RP1: variants seen among roughly 807,000 people sequenced by gnomAD.
The protein encoded by RP1 is oxygen-regulated protein 1.
RP1 carries 16 observed loss-of-function variants against 14.8 expected under a neutral mutation model. The ratio of observed to expected loss-of-function variants is 1.08; its 90% CI spans 0.73 to 1.65. The LOEUF is 1.65. Among genes scored for constraint, RP1 ranks in the 40% most tolerant of loss-of-function variants. RP1 has a pLI of 0.00. For synonymous variants in RP1, 876 were observed against 883.6 expected, an observed-to-expected ratio of 0.99 and a Z score of 0.15; for missense variants, 2,631 against 2,535.0, an observed-to-expected ratio of 1.04 and a Z score of -0.81.
intron 1 of RP1, among the ~76,000 whole-genome samples, chr8:54,583,319 T>G (rs1349562916): frequency 6.6e-6 from 1 of 152,236 alleles, no homozygotes; most frequent in Non-Finnish European, 1.5e-5. Flanking sequence ...TTTGTGTATG[T>G]TGAACCACCC....
At chr8:54,847,868 AGTGCGGGGCTCT>A in intron 25 of RP1, among the ~76,000 whole-genome samples, 1 of 152,374 alleles carries the variant, frequency 6.6e-6, no homozygotes, top group South Asian at 2.1e-4. Flanking sequence ...TCCCCGGAGC[AGTGCGGGGCTCT>A]GAGTAGAGAA....
At chr8:54,849,236 A>G (rs892218479) in intron 25 of RP1, among the ~76,000 whole-genome samples, 1 of 152,048 alleles carries the variant, frequency 6.6e-6, no homozygotes, top group Non-Finnish European at 1.5e-5. Context: ...AATTAAAAAA[A>G]AATACCAGAA....
At chr8:54,631,924 C>G (rs969652586), downstream of RP1, among the ~76,000 whole-genome samples, 1 of 151,990 alleles carries the variant, frequency 6.6e-6, no homozygotes, top group Non-Finnish European at 1.5e-5. Flanking sequence ...TCACCGCAAC[C>G]CCTGCCTCCT....
chr8:54,673,844 T>C, intron 7 of RP1: 1 of 1,534,398 alleles, frequency 6.5e-7, no homozygotes. Flanking sequence ...TTTTGATTCG[T>C]TATAGACTGA....
chr8:54,762,718 T>C lies in RP1; in HGVS notation c.3248+3642T>C, dbSNP rs538175986. Reference sequence around the variant, plus strand: ...ATTGAACAACTGAAATATATCCTTTTGCAGCTCCTGGAGGCCAGTGATCCA... The same window carrying C: ...ATTGAACAACTGAAATATATCCTTTCGCAGCTCCTGGAGGCCAGTGATCCA... On this transcript the variant is annotated intron_variant, in intron 22 of 22. Transcript: ENST00000636932. 3.3e-5 allele frequency among the ~76,000 whole-genome samples: 5 copies of C among 152,368 alleles called. No homozygotes were observed. In the East Asian group the frequency reaches 9.6e-4, roughly 29 times the overall value.
At chr8:54,836,764 A>G (rs999176547) in intron 24 of RP1, among the ~76,000 whole-genome samples, 3 of 152,156 alleles carry the variant, frequency 2.0e-5, no homozygotes, top group Non-Finnish European at 4.4e-5. Context: ...GACTCATGGA[A>G]TTGGAAGACA....
chr8:54,807,893 C>T (rs1252600415), intron 24 of RP1, among the ~76,000 whole-genome samples: 1 of 151,746 alleles, frequency 6.6e-6, no homozygotes, highest in African/African-American at 2.4e-5. Context: ...CTATTGAGGC[C>T]TTTAACAGAT....
At chr8:54,739,022 T>C in exon 19 of RP1, 1 of 1,530,346 alleles carries the variant, frequency 6.5e-7, no homozygotes. Flanking sequence ...GAGTGGAACT[T>C]GCAGAGGGTA....
At chr8:54,784,289 C>T (rs1219782362) in intron 24 of RP1, among the ~76,000 whole-genome samples, 1 of 152,020 alleles carries the variant, frequency 6.6e-6, no homozygotes, top group Non-Finnish European at 1.5e-5. Flanking sequence ...TTAATTAATC[C>T]TCAATGTAGT....
At chr8:54,823,518 CG>C (rs1563387345) in intron 24 of RP1, among the ~76,000 whole-genome samples, 1 of 151,968 alleles carries the variant, frequency 6.6e-6, no homozygotes, top group African/African-American at 2.4e-5. Flanking sequence ...TTAGTAGAGA[CG>C]GGGTTTCACC....
At chr8:54,703,786 C>G (rs1294510373) in intron 14 of RP1, among the ~76,000 whole-genome samples, 1 of 152,206 alleles carries the variant, frequency 6.6e-6, no homozygotes, top group Non-Finnish European at 1.5e-5. Flanking sequence ...TTCTGGGTAA[C>G]TTGCTACAGC....
chr8:54,633,710 C>CCTCTCTCTCTCT (rs3077384), downstream of RP1, among the ~76,000 whole-genome samples: 144 of 118,492 alleles, frequency 1.2e-3, 1 homozygote, highest in Middle Eastern at 4.7e-3. Flanking sequence ...TTATTTTGTG[C>CCTCTCTCTCTCT]CTCTCTCTCT....
intron 2 of RP1, among the ~76,000 whole-genome samples, chr8:54,621,821 T>C (rs967175658): frequency 1.3e-5 from 2 of 152,140 alleles, no homozygotes; most frequent in Admixed American, 6.5e-5. Context: ...TTACATAATG[T>C]TTTCACATGG....
At chr8:54,752,102 T>A (rs1809386413) in intron 19 of RP1, among the ~76,000 whole-genome samples, 2 of 152,210 alleles carry the variant, frequency 1.3e-5, no homozygotes, top group Admixed American at 6.5e-5. Flanking sequence ...TCTTGGAAAC[T>A]GTGACTTCAA....
In RP1 at chr8:54,737,030, C is replaced by T. The variant is rs115140229; in HGVS notation, c.2722-1913C>T. ...CATCATTTGCCACTTATAAGTTTGTCTTTCATTCTCTTTTCCTTCTTTCCA... is the reference window on the plus strand; with the variant it reads ...CATCATTTGCCACTTATAAGTTTGTTTTTCATTCTCTTTTCCTTCTTTCCA... On this transcript the variant is annotated intron_variant, in intron 18 of 22. Coordinates refer to the RP1 transcript ENST00000636932. Among the ~76,000 whole-genome samples, 683 of 152,246 alleles carry T rather than the reference C, an allele frequency of 4.5e-3. 5 individuals carry two copies. Among genetic ancestry groups the T allele is most frequent in the African/African-American group, 0.015 (644 of 41,560 alleles).
intron 1 of RP1, among the ~76,000 whole-genome samples, chr8:54,598,141 T>C (rs1240635032): frequency 6.6e-6 from 1 of 152,212 alleles, no homozygotes; most frequent in East Asian, 1.9e-4. Context: ...TAATTTAACG[T>C]AATTATTGAT....
chr8:54,788,208 G>A (rs1304819513), intron 24 of RP1, among the ~76,000 whole-genome samples: 1 of 152,124 alleles, frequency 6.6e-6, no homozygotes, highest in Admixed American at 6.6e-5. Context: ...ATGTCTGCAG[G>A]CTGGAGTAGG....
Position 54,625,954 on chromosome 8 carries a change from C to A in RP1, c.2072C>A (p.Ala691Glu). The change falls in exon 4 of 4, where the codon GCA becomes GAA. Residue 691 changes from alanine (A) to glutamate (E), a missense_variant. Physicochemically the swap from Ala to Glu is moderately radical, Grantham distance 107. Coordinates refer to ENST00000220676, the MANE Select transcript of RP1 (RefSeq NM_006269.2). Reference sequence around the variant, plus strand: ...TCCAGGTATCAAGATGGACAGCTTGCAACCAAAGGAATTCTTAATAAGAAT... The same window carrying A: ...TCCAGGTATCAAGATGGACAGCTTGAAACCAAAGGAATTCTTAATAAGAAT... ...INSRYQDGQL[A>E]TKGILNKNER... is the part of the protein sequence containing the mutation. 1 of 1,613,822 alleles carries A rather than the reference C, an allele frequency of 6.2e-7. No individual in the cohort carries two copies. Among genetic ancestry groups the A allele is most frequent in the Non-Finnish European group, 8.5e-7 (1 of 1,179,890 alleles).
chr8:54,715,945 C>T (rs1808394669), intron 15 of RP1, among the ~76,000 whole-genome samples: 1 of 152,102 alleles, frequency 6.6e-6, no homozygotes, highest in African/African-American at 2.4e-5. Context: ...AAGTAAGTAC[C>T]AAGTTCAGTG....
Sources: gnomAD v4.1 joint callset for allele counts (sites outside exome capture counted in the v4.1 genomes callset) on GRCh38, gnomAD v4.1.1 for gene constraint, MANE v1.5 for transcripts, NCBI Gene and HGNC (gene_info 2026-07-23, HGNC 2026-07-21) for gene names.